The following GABRR2 variants were observed in gnomAD, a reference collection of about 807,000 sequenced individuals.
GABRR2 encodes gamma-aminobutyric acid receptor subunit rho-2.
Under a neutral mutation model 47.0 loss-of-function variants are expected in GABRR2, and 36 were observed. That is an observed-to-expected ratio of 0.77 (90% CI 0.59 to 1.01). The LOEUF (loss-of-function observed/expected upper bound fraction) is 1.01. GABRR2 is among the 50% of genes least tolerant of loss of function. GABRR2 has a pLI of 0.00. For synonymous variants in GABRR2, 204 were observed against 227.5 expected, an observed-to-expected ratio of 0.90 and a Z score of 0.93; for missense variants, 587 against 594.6, an observed-to-expected ratio of 0.99 and a Z score of 0.13.
At chr6:89,303,530 T>G (rs1166095911) in intron 1 of GABRR2, among the ~76,000 whole-genome samples, 2 of 151,634 alleles carry the variant, frequency 1.3e-5, no homozygotes, top group African/African-American at 4.9e-5. Flanking sequence ...AATTTATAGA[T>G]TCAATGCTAT....
chr6:89,295,508 T>C (rs576488906), intron 2 of GABRR2, among the ~76,000 whole-genome samples: 1 of 152,302 alleles, frequency 6.6e-6, no homozygotes, highest in African/African-American at 2.4e-5. Context: ...TTTGAGTTCA[T>C]TGTAGATTCT....
Position 89,265,734 on chromosome 6 carries a change from C to A in GABRR2, c.768G>T (p.Thr256=). Residue 256 remains threonine (T), a synonymous_variant, in exon 7 of 9, where the codon ACG becomes ACT. Coordinates refer to ENST00000402938, the MANE Select transcript of GABRR2 (RefSeq NM_002043.5). ...GWYNRLYINF[T]LRRHIFFFLL... ...AGAAGAAGAAGATGTGGCGACGCAACGTGAAGTTAATGTACAGACGGTTGT... is the reference window on the plus strand; with the variant it reads ...AGAAGAAGAAGATGTGGCGACGCAAAGTGAAGTTAATGTACAGACGGTTGT... 2 of 1,614,024 alleles carry A rather than the reference C, an allele frequency of 1.2e-6. No homozygotes were observed. The highest frequency in any genetic ancestry group is 1.6e-4 in the Middle Eastern group (1 of 6,062).
intron 5 of GABRR2, 36 bp downstream of exon 5, chr6:89,267,978 A>G (rs1234359484): frequency 1.3e-6 from 2 of 1,597,530 alleles, no homozygotes; most frequent in African/African-American, 1.3e-5. Context: ...ATCAGAGAGG[A>G]AAGAAAGTGA....
At chr6:89,298,986 C>A (rs1277837944) in intron 2 of GABRR2, among the ~76,000 whole-genome samples, 1 of 152,134 alleles carries the variant, frequency 6.6e-6, no homozygotes, top group Non-Finnish European at 1.5e-5. Flanking sequence ...ACTGTTGGCA[C>A]CTTGATCTTA....
chr6:89,257,604 G>A lies in GABRR2; in HGVS notation c.*66C>T, dbSNP rs1036844952. The A allele has an allele frequency of 2.1e-5, 27 of 1,307,588 alleles. No individual in the cohort carries two copies. The highest frequency in any genetic ancestry group is 6.5e-5 in the Admixed American group (3 of 46,070). 81.0% of individuals were successfully genotyped at this position (1,307,588 alleles called of 1,614,324 possible). ...TGAGGGGCGTGTGGTCAACAAGTCC[G>A]TCTGTCAATGACTGGCCAGGCCCCC... On this transcript the variant is annotated 3_prime_UTR_variant, in exon 9 of 9. Coordinates refer to ENST00000402938, the MANE Select transcript of GABRR2 (RefSeq NM_002043.5).
At chr6:89,291,109 C>T (rs1774432898) in intron 2 of GABRR2, among the ~76,000 whole-genome samples, 1 of 152,156 alleles carries the variant, frequency 6.6e-6, no homozygotes, top group Admixed American at 6.5e-5. Context: ...TGGCCTCACC[C>T]AGGTCACACA....
intron 2 of GABRR2, among the ~76,000 whole-genome samples, chr6:89,299,158 C>T (rs1172979235): frequency 2.0e-5 from 3 of 152,212 alleles, no homozygotes; most frequent in Non-Finnish European, 4.4e-5. Flanking sequence ...TGCCTCCCCT[C>T]CCTGACCCCA....
chr6:89,312,791 T>C (rs1767701828), intron 1 of GABRR2, among the ~76,000 whole-genome samples: 1 of 152,270 alleles, frequency 6.6e-6, no homozygotes, highest in Non-Finnish European at 1.5e-5. Flanking sequence ...CCACATTCCC[T>C]GTCCTTTTCC....
At chr6:89,267,589 C>A in intron 6 of GABRR2, 90 bp downstream of exon 6, 1 of 1,217,624 alleles carries the variant, frequency 8.2e-7, no homozygotes, top group Non-Finnish European at 1.1e-6. Context: ...AAAACACACA[C>A]AAAACATATT....
At chr6:89,273,977 G>C (rs1382618112) in intron 2 of GABRR2, among the ~76,000 whole-genome samples, 1 of 152,230 alleles carries the variant, frequency 6.6e-6, no homozygotes, top group Non-Finnish European at 1.5e-5. Flanking sequence ...TTGGATTCAT[G>C]TTCTAGTGGC....
chr6:89,307,176 A>C (rs561532455), intron 1 of GABRR2, among the ~76,000 whole-genome samples: 1 of 152,322 alleles, frequency 6.6e-6, no homozygotes, highest in East Asian at 1.9e-4. Context: ...ACCACACTTT[A>C]GAATCATCTC....
At chr6:89,314,406 G>A (rs1012056990) in intron 1 of GABRR2, among the ~76,000 whole-genome samples, 2 of 152,162 alleles carry the variant, frequency 1.3e-5, no homozygotes, top group East Asian at 3.9e-4. Flanking sequence ...AAGGAACTTA[G>A]ATTTGTAATG....
chr6:89,283,529 G>A (rs770798757), intron 2 of GABRR2, among the ~76,000 whole-genome samples: 17 of 152,224 alleles, frequency 1.1e-4, no homozygotes, highest in Non-Finnish European at 2.2e-4. Flanking sequence ...GTACAGAAGA[G>A]TATGTATAGT....
intron 7 of GABRR2, 55 bp downstream of exon 7, chr6:89,265,558 T>C (rs2127829044): frequency 6.5e-7 from 1 of 1,536,964 alleles, no homozygotes; most frequent in Admixed American, 2.1e-5. Context: ...TTTGTAAACA[T>C]AGTGATAAGT....
intron 6 of GABRR2, 78 bp from the exon 7 acceptor site, chr6:89,265,843 C>G: frequency 6.9e-7 from 1 of 1,457,330 alleles, no homozygotes; most frequent in South Asian, 1.3e-5. Context: ...ACCCGTCTTT[C>G]ACTGACTTGG....
intron 1 of GABRR2, among the ~76,000 whole-genome samples, chr6:89,311,398 T>A (rs1180364205): frequency 6.6e-6 from 1 of 151,906 alleles, no homozygotes; most frequent in Non-Finnish European, 1.5e-5. Flanking sequence ...GGGCCCAGAG[T>A]TTTTTTAAGA....
intron 2 of GABRR2, among the ~76,000 whole-genome samples, chr6:89,286,686 G>C (rs3798256): frequency 6.6e-6 from 1 of 151,834 alleles, no homozygotes; most frequent in Non-Finnish European, 1.5e-5. Context: ...ACACAGATGG[G>C]GTCCTTAAGT....
At chr6:89,287,575 G>A (rs747407833) in intron 2 of GABRR2, among the ~76,000 whole-genome samples, 12 of 152,218 alleles carry the variant, frequency 7.9e-5, no homozygotes, top group African/African-American at 2.4e-4. Context: ...CACTGGCTGC[G>A]CTGGCCAGGC....
intron 1 of GABRR2, among the ~76,000 whole-genome samples, chr6:89,311,534 C>T (rs1024182973): frequency 1.3e-5 from 2 of 152,210 alleles, no homozygotes; most frequent in Admixed American, 1.3e-4. Flanking sequence ...CCTGAGCCCC[C>T]ACCCACCCAT....
Sources: gnomAD v4.1 joint callset for allele counts (sites outside exome capture counted in the v4.1 genomes callset) on GRCh38, gnomAD v4.1.1 for gene constraint, MANE v1.5 for transcripts, NCBI Gene and HGNC (gene_info 2026-07-23, HGNC 2026-07-21) for gene names.